Variants in ALK observed in about 807,000 individuals in gnomAD.
The protein encoded by ALK is ALK tyrosine kinase receptor.
A neutral mutation model predicts 163.1 loss-of-function variants in ALK; 74 were observed. The ratio of observed to expected loss-of-function variants is 0.45; its 90% CI spans 0.38 to 0.55. ALK has a LOEUF of 0.55. Ranked by LOEUF, ALK falls within the 20% of genes least tolerant of loss-of-function variation. The pLI, the probability that ALK is intolerant of heterozygous loss-of-function variation, is 0.00. For missense variants in ALK, 2,063 were observed against 2,105.3 expected (o/e 0.98, Z 0.39); for synonymous variants, 960 against 843.2 (o/e 1.14, Z -2.40).
At chr2:29,266,949 A>C (rs1665237562) in intron 11 of ALK, among the ~76,000 whole-genome samples, 1 of 152,160 alleles carries the variant, frequency 6.6e-6, no homozygotes, top group East Asian at 1.9e-4. Context: ...TCTGATAATC[A>C]CACCCTTGTG....
intron 5 of ALK, among the ~76,000 whole-genome samples, chr2:29,330,787 A>G (rs1667418097): frequency 6.6e-6 from 1 of 152,082 alleles, no homozygotes; most frequent in Admixed American, 6.5e-5. Flanking sequence ...AAGCGTTTGG[A>G]GTAGTGGGAG....
intron 4 of ALK, among the ~76,000 whole-genome samples, chr2:29,452,504 AT>A (rs1443331435): frequency 4.6e-5 from 7 of 152,072 alleles, no homozygotes; most frequent in Non-Finnish European, 1.0e-4. Context: ...TTACTTCTTC[AT>A]TGTCTAACTC....
rs547034043 is a variant in ALK at position 29,375,179 on chromosome 2, G to A, written c.1282+8553C>T. Among the ~76,000 whole-genome samples the A allele has an allele frequency of 4.6e-5, 7 of 152,282 alleles. No individual in the cohort carries two copies. The East Asian group carries it at 1.4e-3, about 29-fold the overall frequency. On this transcript the variant is annotated intron_variant, in intron 5 of 28. Coordinates refer to ENST00000389048, the MANE Select transcript of ALK (RefSeq NM_004304.5). ...TTAGTTCTCAAAAGCTTCAGGCGAG[G>A]TGAGGCCCAGAGAGGTTAAGTAGCT...
At chr2:29,524,857 G>A (rs1398553265) in intron 4 of ALK, among the ~76,000 whole-genome samples, 1 of 151,646 alleles carries the variant, frequency 6.6e-6, no homozygotes, top group Non-Finnish European at 1.5e-5. Context: ...ATGAGTGGAT[G>A]GATGGATGGA....
In ALK at chr2:29,573,742, T is replaced by C. The variant is rs117011261; in HGVS notation, c.953-41626A>G. Among the ~76,000 whole-genome samples the C allele has an allele frequency of 8.2e-4, 125 of 152,186 alleles. No individual in the cohort carries two copies. In the East Asian group the frequency reaches 0.015, roughly 19 times the overall value. On this transcript the variant is annotated intron_variant, in intron 3 of 28. Coordinates refer to ENST00000389048, the MANE Select transcript of ALK (RefSeq NM_004304.5). ...TTACAAAAACAGCCAACTCCTAACC[T>C]TGACAGTGGGAATAGAACAACAAAC...
At chr2:29,266,992 G>A (rs1448810560) in intron 11 of ALK, among the ~76,000 whole-genome samples, 5 of 152,176 alleles carry the variant, frequency 3.3e-5, no homozygotes, top group Admixed American at 3.3e-4. Context: ...GGTGAGATCT[G>A]TGAATTGCTT....
chr2:29,828,041 A>G (rs567866706), intron 1 of ALK, among the ~76,000 whole-genome samples: 5 of 152,362 alleles, frequency 3.3e-5, no homozygotes, highest in African/African-American at 1.2e-4. Flanking sequence ...ATCTTTGACA[A>G]ACCTGACAAA....
intron 3 of ALK, among the ~76,000 whole-genome samples, chr2:29,684,719 T>C (rs971187001): frequency 2.0e-5 from 3 of 152,174 alleles, no homozygotes; most frequent in Admixed American, 6.5e-5. Flanking sequence ...CTTCTGAATG[T>C]ACTGCCAGAT....
chr2:29,733,324 T>C (rs1452896250), intron 1 of ALK, among the ~76,000 whole-genome samples: 1 of 152,066 alleles, frequency 6.6e-6, no homozygotes, highest in Non-Finnish European at 1.5e-5. Flanking sequence ...TGGCAAGAGA[T>C]ATGGAATTTA....
chr2:29,651,191 C>G (rs1677025615), intron 3 of ALK, among the ~76,000 whole-genome samples: 1 of 152,138 alleles, frequency 6.6e-6, no homozygotes, highest in Non-Finnish European at 1.5e-5. Flanking sequence ...CAAAGCTTCT[C>G]ACATCCAGAC....
chr2:29,668,159 AT>A (rs1328212552), intron 3 of ALK, among the ~76,000 whole-genome samples: 2 of 151,924 alleles, frequency 1.3e-5, no homozygotes, highest in Non-Finnish European at 2.9e-5. Flanking sequence ...TAATTTCATT[AT>A]TTGAGTATTC....
intron 4 of ALK, among the ~76,000 whole-genome samples, chr2:29,396,317 G>A (rs1432471550): frequency 6.6e-6 from 1 of 152,150 alleles, no homozygotes; most frequent in Non-Finnish European, 1.5e-5. Flanking sequence ...GAGACCCAAG[G>A]ACACATCCAC....
chr2:29,198,883 T>C (rs1669088886), intron 26 of ALK, among the ~76,000 whole-genome samples: 1 of 152,224 alleles, frequency 6.6e-6, no homozygotes, highest in African/African-American at 2.4e-5. Flanking sequence ...CAATTTTCTT[T>C]TTGATTTGTA....
At chr2:29,740,378 CTG>C (rs2148324197) in intron 1 of ALK, among the ~76,000 whole-genome samples, 1 of 151,582 alleles carries the variant, frequency 6.6e-6, no homozygotes, top group South Asian at 2.1e-4. Flanking sequence ...CAGTCAGACA[CTG>C]AGACAAACAG....
intron 3 of ALK, among the ~76,000 whole-genome samples, chr2:29,538,613 A>T (rs1002908354): frequency 1.2e-4 from 18 of 152,218 alleles, no homozygotes; most frequent in African/African-American, 4.3e-4. Flanking sequence ...CTTTACAGTG[A>T]CACAAGCATG....
At chr2:29,842,964 G>A (rs1477216306) in intron 1 of ALK, among the ~76,000 whole-genome samples, 2 of 152,332 alleles carry the variant, frequency 1.3e-5, no homozygotes, top group East Asian at 1.9e-4. Flanking sequence ...ATAAAGGACA[G>A]AGGAAATGAG....
chr2:29,679,733 A>G (rs1022759468), intron 3 of ALK, among the ~76,000 whole-genome samples: 1 of 20,406 alleles, frequency 4.9e-5, no homozygotes, highest in East Asian at 3.2e-3. Flanking sequence ...GAAGAATAAG[A>G]AAAAGGTTGT....
At chr2:29,200,270 A>G (rs1362475042) in intron 26 of ALK, among the ~76,000 whole-genome samples, 1 of 152,194 alleles carries the variant, frequency 6.6e-6, no homozygotes, top group Non-Finnish European at 1.5e-5. Context: ...AAAGAATTAT[A>G]GCTATATGTT....
chr2:29,532,258 T>C lies in ALK; in HGVS notation c.953-142A>G, dbSNP rs1673141938. The C allele has an allele frequency of 1.9e-5, 15 of 801,574 alleles. No individual in the cohort carries two copies. In the South Asian group the frequency reaches 2.0e-4, roughly 11 times the overall value. The allele number at this position is 801,574 out of a possible 1,614,324, so 49.7% of individuals were successfully genotyped here. A position where few individuals can be genotyped will look rare whatever the true frequency, so the allele number is the denominator to read the frequency against. On this transcript the variant is annotated intron_variant, in intron 3 of 28. Coordinates refer to ENST00000389048, the MANE Select transcript of ALK (RefSeq NM_004304.5). ...CTCCTTCTCTGCATGCACCCAGCCT[T>C]CTTCCTCCATTCTTAGATTTTCTTT...
Sources: gnomAD v4.1 joint callset for allele counts (sites outside exome capture counted in the v4.1 genomes callset) on GRCh38, gnomAD v4.1.1 for gene constraint, MANE v1.5 for transcripts, NCBI Gene and HGNC (gene_info 2026-07-23, HGNC 2026-07-21) for gene names.